Variants in CEP63 observed in about 807,000 individuals in gnomAD.
CEP63 encodes centrosomal protein of 63 kDa.
CEP63 carries 84 observed loss-of-function variants against 89.1 expected under a neutral mutation model. That is an observed-to-expected ratio of 0.94 (90% confidence interval 0.79 to 1.13). The LOEUF (loss-of-function observed/expected upper bound fraction) is 1.13. Ranked by LOEUF, CEP63 falls within the 50% of genes most tolerant of loss-of-function variation. The probability of loss-of-function intolerance (pLI) is 0.00; values close to 1 mark genes in which losing one functional copy is unlikely to be tolerated. For missense variants in CEP63, 838 were observed against 813.3 expected, an observed-to-expected ratio of 1.03 and a Z score of -0.37; for synonymous variants, 267 against 272.5, an observed-to-expected ratio of 0.98 and a Z score of 0.20.
chr3:134,535,457 ATTCC>A (rs1340467713), intron 5 of CEP63: 2 of 140,974 alleles, frequency 1.4e-5, no homozygotes, highest in East Asian at 4.2e-4. Context: ...AGTCTCCATT[ATTCC>A]TTAACCACCT....
chr3:134,552,044 A>C lies in CEP63; in HGVS notation c.1467+32A>C, dbSNP rs9821505. On this transcript the variant is annotated intron_variant, in intron 12 of 14. Coordinates refer to ENST00000675561, the MANE Select transcript of CEP63 (RefSeq NM_001353108.3). ...AAATAGAAACTTAAGTTTTTCTACTATCCAAGCCTTCAAAAAAATTACTTT... is the reference window on the plus strand; with the variant it reads ...AAATAGAAACTTAAGTTTTTCTACTCTCCAAGCCTTCAAAAAAATTACTTT... 153,336 of 1,156,558 alleles carry C rather than the reference A, an allele frequency of 0.13. 11,517 individuals carry two copies. The highest frequency in any genetic ancestry group is 0.17 in the East Asian group (7,078 of 42,106). The allele number at this position is 1,156,558 out of a possible 1,614,324, so 71.6% of individuals were successfully genotyped here.
At chr3:134,544,559 C>T (rs894974984) in intron 6 of CEP63, among the ~76,000 whole-genome samples, 1 of 148,974 alleles carries the variant, frequency 6.7e-6, no homozygotes, top group Non-Finnish European at 1.5e-5. Context: ...ATTTAAAGAG[C>T]ATTTTATGGT....
the CEP63 span, among the ~76,000 whole-genome samples, chr3:134,737,833 C>G: frequency 2.6e-5 from 4 of 152,162 alleles, no homozygotes; most frequent in African/African-American, 9.7e-5. Context: ...CCTCAGTTCT[C>G]CATGTTGTCT....
chr3:134,625,258 G>A, the CEP63 span: 1 of 767,122 alleles, frequency 1.3e-6, no homozygotes, highest in East Asian at 2.7e-5. Flanking sequence ...CTCAAAGCCT[G>A]AAACATTGAG....
At chr3:134,608,119 C>A in the CEP63 span, 1 of 1,131,292 alleles carries the variant, frequency 8.8e-7, no homozygotes, top group Non-Finnish European at 1.1e-6. Flanking sequence ...CCCATCCTTG[C>A]TGGTTGGACC....
intron 2 of CEP63, among the ~76,000 whole-genome samples, 170 bp downstream of exon 2, chr3:134,495,534 A>G (rs544459813): frequency 7.7e-4 from 117 of 152,276 alleles, no homozygotes; most frequent in Middle Eastern, 3.4e-3. Flanking sequence ...GAACATTTCA[A>G]TTCTTCTAGC....
the CEP63 span, among the ~76,000 whole-genome samples, chr3:134,618,276 C>T: frequency 6.6e-6 from 1 of 152,102 alleles, no homozygotes; most frequent in Non-Finnish European, 1.5e-5. Context: ...AACACTGAGG[C>T]CATCACAACT....
At chr3:134,509,727 A>G (rs1212212051) in intron 3 of CEP63, among the ~76,000 whole-genome samples, 1 of 152,258 alleles carries the variant, frequency 6.6e-6, no homozygotes, top group Non-Finnish European at 1.5e-5. Flanking sequence ...GGAAATACAC[A>G]GAAAATTAAA....
chr3:134,734,962 C>G, the CEP63 span, among the ~76,000 whole-genome samples: 3 of 152,126 alleles, frequency 2.0e-5, no homozygotes, highest in Non-Finnish European at 4.4e-5. Context: ...TGTTTTCAAA[C>G]TTCTTCTATA....
At chr3:134,732,371 C>G in the CEP63 span, among the ~76,000 whole-genome samples, 1 of 152,096 alleles carries the variant, frequency 6.6e-6, no homozygotes, top group East Asian at 1.9e-4. Context: ...ACTTTAAAAG[C>G]CATCTGAAGA....
the CEP63 span, among the ~76,000 whole-genome samples, chr3:134,716,207 C>T: frequency 6.6e-6 from 1 of 152,166 alleles, no homozygotes; most frequent in African/African-American, 2.4e-5. Flanking sequence ...TCTTGCAGTG[C>T]CTGGAAACAG....
chr3:134,591,526 G>T (rs553324959), downstream of CEP63, among the ~76,000 whole-genome samples: 1 of 152,266 alleles, frequency 6.6e-6, no homozygotes, highest in East Asian at 1.9e-4. Flanking sequence ...CCTCAGGTCT[G>T]GGGATCTTTG....
chr3:134,661,349 G>A, the CEP63 span, among the ~76,000 whole-genome samples: 48 of 152,206 alleles, frequency 3.2e-4, no homozygotes, highest in African/African-American at 1.1e-3. Flanking sequence ...CGCCTAATAT[G>A]CTTTGTCCAT....
the CEP63 span, among the ~76,000 whole-genome samples, chr3:134,652,637 T>TAC: frequency 1.6e-3 from 232 of 145,168 alleles, 1 homozygote; most frequent in South Asian, 8.4e-3. Flanking sequence ...TGTGTGCAGG[T>TAC]ACACACACAC....
At chr3:134,658,214 C>A in the CEP63 span, among the ~76,000 whole-genome samples, 1 of 152,122 alleles carries the variant, frequency 6.6e-6, no homozygotes, top group Non-Finnish European at 1.5e-5. Flanking sequence ...GTAACCCTTT[C>A]TAATTTTCAT....
At chr3:134,637,924 C>T in the CEP63 span, among the ~76,000 whole-genome samples, 1 of 152,238 alleles carries the variant, frequency 6.6e-6, no homozygotes, top group East Asian at 1.9e-4. Flanking sequence ...CCAGATGCTC[C>T]AGCCATCACT....
At chr3:134,560,174 T>C in intron 14 of CEP63, among the ~76,000 whole-genome samples, 1 of 152,236 alleles carries the variant, frequency 6.6e-6, no homozygotes, top group East Asian at 1.9e-4. Context: ...TGGCCTGAAC[T>C]GATGTGTTAG....
At chr3:134,520,593 T>A (rs1947228906) in intron 3 of CEP63, among the ~76,000 whole-genome samples, 1 of 152,156 alleles carries the variant, frequency 6.6e-6, no homozygotes, top group Admixed American at 6.5e-5. Context: ...ACAATCTTGA[T>A]GAAGAGAAAT....
the CEP63 span, among the ~76,000 whole-genome samples, chr3:134,638,528 C>T: frequency 6.6e-6 from 1 of 152,174 alleles, no homozygotes; most frequent in Non-Finnish European, 1.5e-5. Context: ...TCAACAAAAT[C>T]ACATTTCTGA....
Sources: allele counts gnomAD v4.1 joint callset (sites outside exome capture counted in the v4.1 genomes callset), GRCh38; gene constraint gnomAD v4.1.1; transcripts MANE v1.5; gene names NCBI Gene and HGNC (gene_info 2026-07-23, HGNC 2026-07-21).